PUS7: variants seen among roughly 807,000 people sequenced by gnomAD.
PUS7 encodes pseudouridine synthase 7.
In PUS7, 48 loss-of-function variants were observed where a neutral mutation model predicts 79.8. The observed-to-expected ratio is 0.60, with a 90% CI of 0.48 to 0.76. The LOEUF (loss-of-function observed/expected upper bound fraction) is 0.76. Ranked by LOEUF, PUS7 falls within the 30% of genes least tolerant of loss-of-function variation. The pLI is 0.00. For missense variants in PUS7, 729 were observed against 797.6 expected, an observed-to-expected ratio of 0.91 and a Z score of 1.04; for synonymous variants, 286 against 272.2, an observed-to-expected ratio of 1.05 and a Z score of -0.50.
At chr7:105,497,055 T>C (rs974210109) in intron 5 of PUS7, 1 of 1,029,898 alleles carries the variant, frequency 9.7e-7, no homozygotes, top group Admixed American at 3.3e-5. Context: ...AACATGCAAA[T>C]GATCGCATGG....
intron 9 of PUS7, among the ~76,000 whole-genome samples, chr7:105,476,246 C>G (rs750245264): frequency 2.9e-4 from 44 of 151,998 alleles, no homozygotes; most frequent in Admixed American, 4.6e-4. Context: ...TACCTTTCGG[C>G]TATTGTGAAT....
At chr7:105,482,042 T>C (rs897743472) in intron 8 of PUS7, among the ~76,000 whole-genome samples, 2 of 152,144 alleles carry the variant, frequency 1.3e-5, no homozygotes, top group Admixed American at 6.5e-5. Context: ...CTCGGTGTCT[T>C]TTACTACAAT....
At chr7:105,490,745 T>C (rs55764366) in intron 7 of PUS7, among the ~76,000 whole-genome samples, 35,086 of 152,080 alleles carry the variant, frequency 0.23, 4,123 homozygotes, top group South Asian at 0.31. Context: ...GAAAAAACAA[T>C]CCTAAATCCT....
chr7:105,521,275 A>G (rs141802752), intron 1 of PUS7, among the ~76,000 whole-genome samples: 1 of 151,812 alleles, frequency 6.6e-6, no homozygotes, highest in Non-Finnish European at 1.5e-5. Flanking sequence ...TTTGGAATGG[A>G]AAAAAAAAGT....
chr7:105,492,623 A>G (rs908463199), intron 6 of PUS7, among the ~76,000 whole-genome samples: 2 of 145,760 alleles, frequency 1.4e-5, no homozygotes, highest in African/African-American at 5.1e-5. Context: ...CTCCTGCCTC[A>G]GCCTCCCAAG....
intron 15 of PUS7, among the ~76,000 whole-genome samples, chr7:105,458,150 T>C (rs192386330): frequency 5.3e-5 from 8 of 152,062 alleles, no homozygotes; most frequent in Non-Finnish European, 1.0e-4. Flanking sequence ...AAAAGGCAGA[T>C]GACAGAAGAA....
intron 5 of PUS7, among the ~76,000 whole-genome samples, chr7:105,496,212 T>TAGAGAG (rs1562808917): frequency 4.4e-4 from 31 of 71,162 alleles, no homozygotes; most frequent in East Asian, 1.3e-3. Context: ...TATATATATA[T>TAGAGAG]ATATATATAT....
rs977773291 is a variant in PUS7, at chr7:105,504,166, T to C, written c.586-1602A>G. 1.6e-4 allele frequency among the ~76,000 whole-genome samples: 22 copies of C among 138,902 alleles called. 1 individual carries two copies. Among genetic ancestry groups the C allele is most frequent in the African/African-American group, 5.7e-4 (22 of 38,336 alleles). The allele number at this position is 138,902 out of a possible 152,430, so 91.1% of individuals were successfully genotyped here. A position where few individuals can be genotyped will look rare whatever the true frequency, so the allele number is the denominator to read the frequency against. On this transcript the variant is annotated intron_variant, in intron 4 of 15. Coordinates refer to ENST00000469408, the MANE Select transcript of PUS7 (RefSeq NM_019042.5). Reference sequence around the variant, plus strand: ...CTCACTGCAACCTCCACCTCCCAGGTTCAAGTGATTCTCCCGCCTCAGCCT... The same window carrying C: ...CTCACTGCAACCTCCACCTCCCAGGCTCAAGTGATTCTCCCGCCTCAGCCT...
At chr7:105,471,088 A>T (rs1352077692) in intron 10 of PUS7, among the ~76,000 whole-genome samples, 1 of 152,242 alleles carries the variant, frequency 6.6e-6, no homozygotes, top group Non-Finnish European at 1.5e-5. Context: ...TTAACTGTTC[A>T]TTATAACAGC....
At chr7:105,488,401 T>TA (rs887701579) in intron 7 of PUS7, among the ~76,000 whole-genome samples, 28 of 150,674 alleles carry the variant, frequency 1.9e-4, no homozygotes, top group Non-Finnish European at 2.7e-4. Flanking sequence ...GCTTTGCTAT[T>TA]AAAAAAAAAG....
intron 14 of PUS7, among the ~76,000 whole-genome samples, chr7:105,460,853 CA>C (rs55923593): frequency 0.045 from 3,708 of 83,304 alleles, 47 homozygotes; most frequent in East Asian, 0.15. Context: ...GACTCCGTCT[CA>C]AAAAAAAAAA....
Position 105,506,165 on chromosome 7 carries a change from C to T in PUS7, c.483+24G>A, listed in dbSNP as rs147054358. ...AATGCTATTTTTATACAGAAGGTGA[C>T]ATTTGCTAAAGAGCTACTTCTACCT... On this transcript the variant is annotated intron_variant, in intron 3 of 15. Transcript: ENST00000469408. The T allele has an allele frequency of 1.5e-3, 2,421 of 1,589,422 alleles. 4 individuals are homozygous for T. Among genetic ancestry groups the T allele is most frequent in the Admixed American group, 3.9e-3 (223 of 57,340 alleles).
Position 105,482,441 on chromosome 7 carries a change from CT to C in PUS7, c.921-2del, listed in dbSNP as rs1217150911. 5.5e-5 allele frequency: 78 copies of C among 1,407,692 alleles called. No individual in the cohort carries two copies. Among genetic ancestry groups the C allele is most frequent in the African/African-American group, 5.0e-4 (30 of 59,540 alleles). The allele number at this position is 1,407,692 out of a possible 1,614,324, so 87.2% of individuals were successfully genotyped here. On this transcript the variant is annotated splice_acceptor_variant, in intron 7 of 15. Coordinates refer to ENST00000469408, the MANE Select transcript of PUS7 (RefSeq NM_019042.5). LOFTEE classifies it high-confidence loss of function. Reference sequence around the variant, plus strand: ...GTGGGCAAGTCTTTGTGCAGTTATTCTTTAAAAAAAAAAAAAAAAGCAACAA... The same window carrying C: ...GTGGGCAAGTCTTTGTGCAGTTATTCTTAAAAAAAAAAAAAAAAGCAACAA...
chr7:105,494,402 A>ATTTTTTT (rs756519297), intron 6 of PUS7, among the ~76,000 whole-genome samples: 1 of 87,800 alleles, frequency 1.1e-5, no homozygotes, highest in Non-Finnish European at 2.2e-5. Flanking sequence ...ATGATCAGTG[A>ATTTTTTT]TTTTTTTTTT....
intron 1 of PUS7, among the ~76,000 whole-genome samples, chr7:105,516,750 C>T (rs944495523): frequency 1.3e-5 from 2 of 151,982 alleles, no homozygotes; most frequent in Non-Finnish European, 2.9e-5. Flanking sequence ...CCAGTGCGCC[C>T]GGACTGGAAT....
At chr7:105,485,299 T>A (rs1220157898) in intron 7 of PUS7, among the ~76,000 whole-genome samples, 2 of 152,234 alleles carry the variant, frequency 1.3e-5, no homozygotes, top group East Asian at 3.9e-4. Context: ...AACCTCCGCT[T>A]CCCGGGTTCA....
At chr7:105,499,207 A>T (rs1281602644) in intron 5 of PUS7, among the ~76,000 whole-genome samples, 1 of 152,208 alleles carries the variant, frequency 6.6e-6, no homozygotes, top group Non-Finnish European at 1.5e-5. Context: ...ACCTATCTGT[A>T]GCATTTTCCA....
At chr7:105,492,456 C>T (rs1478947794) in intron 6 of PUS7, among the ~76,000 whole-genome samples, 1 of 150,676 alleles carries the variant, frequency 6.6e-6, no homozygotes. Context: ...TCCCAAGTAG[C>T]TGGGATTACA....
intron 14 of PUS7, among the ~76,000 whole-genome samples, chr7:105,460,853 CAAAAAAA>C (rs55923593): frequency 4.8e-5 from 4 of 83,564 alleles, no homozygotes; most frequent in African/African-American, 1.4e-4. Flanking sequence ...GACTCCGTCT[CAAAAAAA>C]AAAAAAAAAA....
Sources: gnomAD v4.1 joint callset for allele counts (sites outside exome capture counted in the v4.1 genomes callset) on GRCh38, gnomAD v4.1.1 for gene constraint, MANE v1.5 for transcripts, NCBI Gene and HGNC (gene_info 2026-07-23, HGNC 2026-07-21) for gene names.